CLVS1: variants seen among roughly 807,000 people sequenced by gnomAD.
The protein encoded by CLVS1 is clavesin-1.
Under a neutral mutation model 33.1 loss-of-function variants are expected in CLVS1, and 10 were observed. That is an observed-to-expected ratio of 0.30 (90% CI 0.19 to 0.51). The LOEUF (loss-of-function observed/expected upper bound fraction) is 0.51, where lower values mean the gene tolerates loss of function less well. CLVS1 is among the 20% of genes least tolerant of loss of function. The probability of loss-of-function intolerance (pLI) is 0.97; values close to 1 mark genes in which losing one functional copy is unlikely to be tolerated. For synonymous variants in CLVS1, 163 were observed against 166.1 expected (o/e 0.98, Z 0.14); for missense variants, 343 against 433.4 (o/e 0.79, Z 1.85).
chr8:61,142,549 G>A (rs536529285), intron 2 of CLVS1, among the ~76,000 whole-genome samples: 7 of 152,322 alleles, frequency 4.6e-5, no homozygotes, highest in East Asian at 1.9e-4. Flanking sequence ...AACAATGCCC[G>A]CCTCTTGCCA....
At chr8:61,186,001 T>C (rs1744052360) in intron 2 of CLVS1, among the ~76,000 whole-genome samples, 1 of 152,148 alleles carries the variant, frequency 6.6e-6, no homozygotes, top group South Asian at 2.1e-4. Context: ...GTATACGCCA[T>C]GGAGATAAGG....
intron 2 of CLVS1, among the ~76,000 whole-genome samples, chr8:61,310,521 C>G (rs968964741): frequency 2.0e-5 from 3 of 152,218 alleles, no homozygotes; most frequent in Non-Finnish European, 4.4e-5. Context: ...AACGACAGGT[C>G]TCCATGAGCT....
intron 2 of CLVS1, among the ~76,000 whole-genome samples, chr8:61,225,377 G>A (rs913925310): frequency 6.6e-6 from 1 of 152,080 alleles, no homozygotes; most frequent in Non-Finnish European, 1.5e-5. Context: ...ATGCATAGTA[G>A]ATGGTTATTA....
intron 5 of CLVS1, among the ~76,000 whole-genome samples, chr8:61,482,800 C>A (rs1162322372): frequency 6.6e-6 from 1 of 152,194 alleles, no homozygotes; most frequent in Non-Finnish European, 1.5e-5. Flanking sequence ...CTCAAAGCCA[C>A]TCAATTACAT....
intron 3 of CLVS1, 68 bp downstream of exon 3, chr8:61,376,847 C>A: frequency 7.2e-7 from 1 of 1,387,126 alleles, no homozygotes; most frequent in Non-Finnish European, 9.8e-7. Context: ...TTATCGCAAC[C>A]AAAGTAATAT....
Position 61,328,263 on chromosome 8 carries a change from A to G in CLVS1, c.455+27981A>G, listed in dbSNP as rs1330488883. Among the ~76,000 whole-genome samples the G allele has an allele frequency of 5.3e-5, 8 of 152,322 alleles. No homozygotes were observed. The East Asian group carries it at 1.5e-3, about 29-fold the overall frequency. ...GAATAGCTGGATAGGGACACGTGGC[A>G]GAAAATTTAGAAAGAACCCAAAATA... On this transcript the variant is annotated intron_variant, in intron 2 of 5. Coordinates refer to ENST00000325897, the MANE Select transcript of CLVS1 (RefSeq NM_173519.3).
chr8:61,417,166 G>A (rs1165277244), intron 3 of CLVS1, among the ~76,000 whole-genome samples: 3 of 152,150 alleles, frequency 2.0e-5, no homozygotes, highest in Non-Finnish European at 4.4e-5. Context: ...GAGAAATCTT[G>A]CTTGGGAGTT....
chr8:61,009,584 C>T, the CLVS1 span, among the ~76,000 whole-genome samples: 1 of 151,932 alleles, frequency 6.6e-6, no homozygotes, highest in South Asian at 2.1e-4. Flanking sequence ...TTGCAAATAC[C>T]CCCTTGCCCG....
chr8:60,969,605 C>G, the CLVS1 span, among the ~76,000 whole-genome samples: 3 of 152,086 alleles, frequency 2.0e-5, no homozygotes, highest in African/African-American at 7.2e-5. Context: ...ATCCCCTTGG[C>G]CAAGAGGGGG....
chr8:61,212,529 G>T (rs993189184), intron 2 of CLVS1, among the ~76,000 whole-genome samples: 1 of 152,152 alleles, frequency 6.6e-6, no homozygotes, highest in Non-Finnish European at 1.5e-5. Flanking sequence ...AGGCTTGTGT[G>T]GGGGAATACA....
intron 2 of CLVS1, among the ~76,000 whole-genome samples, chr8:61,373,764 C>G (rs983896249): frequency 6.6e-6 from 1 of 152,110 alleles, no homozygotes; most frequent in African/African-American, 2.4e-5. Flanking sequence ...ATAGCTATTG[C>G]TATGTAACAA....
At chr8:61,247,718 C>A (rs1037224674) in intron 2 of CLVS1, among the ~76,000 whole-genome samples, 10 of 152,150 alleles carry the variant, frequency 6.6e-5, no homozygotes, top group Admixed American at 3.3e-4. Flanking sequence ...GCATAGTTTG[C>A]AAAAATTTTC....
chr8:61,199,563 C>T (rs1279112975), intron 2 of CLVS1, among the ~76,000 whole-genome samples: 1 of 152,192 alleles, frequency 6.6e-6, no homozygotes, highest in East Asian at 1.9e-4. Context: ...TAAGATACCA[C>T]CTTACTCCAG....
chr8:61,138,276 C>T (rs894120415), intron 2 of CLVS1, among the ~76,000 whole-genome samples: 2 of 152,202 alleles, frequency 1.3e-5, no homozygotes. Context: ...AGAGATAAGA[C>T]ACACAGGGTG....
At chr8:61,031,894 A>G in the CLVS1 span, among the ~76,000 whole-genome samples, 1 of 152,374 alleles carries the variant, frequency 6.6e-6, no homozygotes, top group Admixed American at 6.5e-5. Flanking sequence ...AAGTTACAAC[A>G]TTAAGATTTT....
At chr8:61,286,534 T>C (rs1292701810), upstream of CLVS1, among the ~76,000 whole-genome samples, 1 of 152,244 alleles carries the variant, frequency 6.6e-6, no homozygotes, top group Admixed American at 6.5e-5. Flanking sequence ...GTTCTGGGAA[T>C]GTATAAGCTA....
intron 2 of CLVS1, among the ~76,000 whole-genome samples, chr8:61,133,347 G>A (rs1240926815): frequency 1.3e-5 from 2 of 152,210 alleles, no homozygotes; most frequent in African/African-American, 4.8e-5. Context: ...GCTGAGTGGG[G>A]CCTTGAAGAG....
In CLVS1 at chr8:61,316,611, AG is replaced by A. The variant is rs543619889; in HGVS notation, c.455+16331del. ...TCATAGAAGAAAATAATGAAAATAA[AG>A]GAAGTGTAAGGACATTAAAAATTAT... On this transcript the variant is annotated intron_variant, in intron 2 of 5. Transcript: ENST00000325897. Among the ~76,000 whole-genome samples, 15 of 152,352 alleles carry A rather than the reference AG, an allele frequency of 9.8e-5. No individual in the cohort carries two copies. In the South Asian group the frequency reaches 2.9e-3, roughly 29 times the overall value.
the CLVS1 span, among the ~76,000 whole-genome samples, chr8:60,971,599 CAT>C: frequency 3.3e-5 from 5 of 152,066 alleles, no homozygotes; most frequent in African/African-American, 1.2e-4. Context: ...GTTGTTTACA[CAT>C]GTTTATTGGC....
Sources: allele counts gnomAD v4.1 joint callset (sites outside exome capture counted in the v4.1 genomes callset), GRCh38; gene constraint gnomAD v4.1.1; transcripts MANE v1.5; gene names NCBI Gene and HGNC (gene_info 2026-07-23, HGNC 2026-07-21).